IL10RB: variants seen among roughly 807,000 people sequenced by gnomAD.
The protein encoded by IL10RB is interleukin 10 receptor subunit beta.
Under a neutral mutation model 38.7 loss-of-function variants are expected in IL10RB, and 30 were observed. That is an observed-to-expected ratio of 0.78 (90% CI 0.58 to 1.05). The LOEUF (loss-of-function observed/expected upper bound fraction) is 1.05, where lower values mean the gene tolerates loss of function less well. IL10RB is among the 50% of genes least tolerant of loss of function. IL10RB has a pLI of 0.00. For missense variants in IL10RB, 328 were observed against 397.1 expected (o/e 0.83, Z 1.48); for synonymous variants, 142 against 145.9 (o/e 0.97, Z 0.19).
At chr21:33,278,839 G>A (rs1041196652) in intron 3 of IL10RB, among the ~76,000 whole-genome samples, 2 of 152,176 alleles carry the variant, frequency 1.3e-5, no homozygotes, top group African/African-American at 4.8e-5. Flanking sequence ...TTAGAATGAT[G>A]GAAGCAGGTC....
At chr21:33,277,595 A>C (rs1989195796) in intron 3 of IL10RB, among the ~76,000 whole-genome samples, 1 of 150,948 alleles carries the variant, frequency 6.6e-6, no homozygotes, top group Non-Finnish European at 1.5e-5. Flanking sequence ...CACGTCTATG[A>C]TCCCAACACT....
At chr21:33,291,154 A>G (rs751977888) in intron 6 of IL10RB, among the ~76,000 whole-genome samples, 97 of 152,262 alleles carry the variant, frequency 6.4e-4, no homozygotes, top group Non-Finnish European at 1.3e-3. Context: ...CAGTCACGGG[A>G]GGAGGGCTCA....
chr21:33,270,258 G>C (rs1372578187), intron 2 of IL10RB, among the ~76,000 whole-genome samples: 1 of 152,110 alleles, frequency 6.6e-6, no homozygotes, highest in African/African-American at 2.4e-5. Context: ...TTTCTGTGCT[G>C]TCTCTACTCA....
In IL10RB at chr21:33,296,449, A is replaced by C. The variant is rs1370782266; in HGVS notation, c.*92A>C. On this transcript the variant is annotated 3_prime_UTR_variant, in exon 7 of 7. Coordinates refer to ENST00000290200, the MANE Select transcript of IL10RB (RefSeq NM_000628.5). ...GGGATCAGGGCAGCAAACAAGGGCC[A>C]AGACCATCTGAGCCAGCCCCACATC... The C allele has an allele frequency of 2.4e-6, 3 of 1,234,408 alleles. No homozygotes were observed. Among genetic ancestry groups the C allele is most frequent in the East Asian group, 2.4e-5 (1 of 40,888 alleles). The allele number at this position is 1,234,408 out of a possible 1,614,324, so 76.5% of individuals were successfully genotyped here. A position where few individuals can be genotyped will look rare whatever the true frequency, so the allele number is the denominator to read the frequency against.
chr21:33,271,740 A>G (rs1379806261), intron 2 of IL10RB, among the ~76,000 whole-genome samples: 1 of 152,048 alleles, frequency 6.6e-6, no homozygotes, highest in Admixed American at 6.6e-5. Flanking sequence ...AAAAAAAAAA[A>G]ACCTAGTGAA....
chr21:33,303,170 C>CCT (rs1382367264), intron 1 of IL10RB, among the ~76,000 whole-genome samples: 1 of 152,086 alleles, frequency 6.6e-6, no homozygotes, highest in Non-Finnish European at 1.5e-5. Flanking sequence ...CTGGCCCTGT[C>CCT]CTCTCTCCCT....
At chr21:33,288,636 A>G (rs1819630779) in intron 6 of IL10RB, among the ~76,000 whole-genome samples, 1 of 152,198 alleles carries the variant, frequency 6.6e-6, no homozygotes, top group Non-Finnish European at 1.5e-5. Context: ...ACTGGAGGCT[A>G]AATGCCAGGA....
At position 33,266,400 on chromosome 21, in the gene IL10RB, A is replaced by C; in HGVS notation, c.-66A>C. 1 of 1,512,594 alleles carries C rather than the reference A, an allele frequency of 6.6e-7. No individual in the cohort carries two copies. The highest frequency in any genetic ancestry group is 2.5e-5 in the East Asian group (1 of 39,626). The allele number at this position is 1,512,594 out of a possible 1,614,324, so 93.7% of individuals were successfully genotyped here. A position where few individuals can be genotyped will look rare whatever the true frequency, so the allele number is the denominator to read the frequency against. On this transcript the variant is annotated 5_prime_UTR_variant, in exon 1 of 7. Coordinates refer to ENST00000290200, the MANE Select transcript of IL10RB (RefSeq NM_000628.5). The stretch of plus-strand genomic sequence containing the variant: ...TGGTTCCCGGAAGCCGCCGCGGACA[A>C]GCTCTCCCGGGCGCGGGCGGGGGTC...
At chr21:33,292,383 G>A (rs974673334) in intron 6 of IL10RB, among the ~76,000 whole-genome samples, 8 of 152,150 alleles carry the variant, frequency 5.3e-5, no homozygotes, top group African/African-American at 9.7e-5. Context: ...AAACCAGGCC[G>A]GCCTTTCCTC....
intron 3 of IL10RB, 88 bp from the exon 4 acceptor site, chr21:33,279,664 C>T: frequency 9.0e-7 from 1 of 1,113,528 alleles, no homozygotes; most frequent in Non-Finnish European, 1.4e-6. Flanking sequence ...CTTCCGTGGA[C>T]TAATTGTTCT....
At chr21:33,268,658 C>T (rs956435729) in intron 2 of IL10RB, 141 bp downstream of exon 2, 1 of 724,006 alleles carries the variant, frequency 1.4e-6, no homozygotes, top group Non-Finnish European at 2.5e-6. Flanking sequence ...TCCCTGCCAG[C>T]CTTTTGCTGT....
At chr21:33,270,383 TC>T (rs1480609107) in intron 2 of IL10RB, among the ~76,000 whole-genome samples, 2 of 151,816 alleles carry the variant, frequency 1.3e-5, no homozygotes, top group Non-Finnish European at 2.9e-5. Flanking sequence ...TGTTTGTTTT[TC>T]TTTTTTTTTT....
downstream of IL10RB, among the ~76,000 whole-genome samples, chr21:33,300,462 A>G (rs2082983098): frequency 6.6e-6 from 1 of 151,858 alleles, no homozygotes; most frequent in Non-Finnish European, 1.5e-5. Context: ...AAAAAGGTAA[A>G]CAAAAGCCTT....
chr21:33,273,524 T>G (rs150778178), intron 2 of IL10RB, among the ~76,000 whole-genome samples: 2 of 152,324 alleles, frequency 1.3e-5, no homozygotes, highest in Non-Finnish European at 2.9e-5. Context: ...GGCTGCTGAC[T>G]GATCAGGGTA....
Position 33,296,629 on chromosome 21 carries a change from T to A in IL10RB, c.*272T>A. ...AGAGTGTAATTTTCAGCCTTTTATA[T>A]CACTAAAATAAGATCATGTTTTAAT... On this transcript the variant is annotated 3_prime_UTR_variant, in exon 7 of 7. Coordinates refer to ENST00000290200, the MANE Select transcript of IL10RB (RefSeq NM_000628.5). The A allele has an allele frequency of 1.7e-6, 1 of 586,824 alleles. No individual in the cohort carries two copies. Among genetic ancestry groups the A allele is most frequent in the Non-Finnish European group, 3.2e-6 (1 of 312,830 alleles). The allele number at this position is 586,824 out of a possible 1,614,324, so 36.4% of individuals were successfully genotyped here. A position where few individuals can be genotyped will look rare whatever the true frequency, so the allele number is the denominator to read the frequency against.
At chr21:33,306,949 C>A (rs1300544797) in intron 1 of IL10RB, among the ~76,000 whole-genome samples, 2 of 151,982 alleles carry the variant, frequency 1.3e-5, no homozygotes, top group Non-Finnish European at 2.9e-5. Flanking sequence ...CGCCTGGTAA[C>A]CTTCCACTTC....
chr21:33,288,146 C>A lies in IL10RB; in HGVS notation c.689C>A (p.Ser230Ter), dbSNP rs920292604. The A allele has an allele frequency of 9.3e-6, 15 of 1,614,002 alleles. No individual in the cohort carries two copies. Among genetic ancestry groups the A allele is most frequent in the Non-Finnish European group, 1.3e-5 (15 of 1,180,022 alleles). Residue 230 changes from serine (S) to a stop codon, truncating the protein, a stop_gained, in exon 6 of 7, where the codon TCG becomes TAG. Coordinates refer to ENST00000290200, the MANE Select transcript of IL10RB (RefSeq NM_000628.5). LOFTEE classifies it high-confidence loss of function. ...SWMVAVILMA[S>*]VFMVCLALLG... ...ATGGTGGCCGTCATCCTCATGGCCT[C>A]GGTCTTCATGGTCTGCCTGGCACTC...
chr21:33,286,245 A>G (rs1989372661), intron 5 of IL10RB, among the ~76,000 whole-genome samples: 1 of 152,212 alleles, frequency 6.6e-6, no homozygotes, highest in Non-Finnish European at 1.5e-5. Context: ...CACTTGCTGT[A>G]GCTCCAGGGT....
chr21:33,270,673 CT>C (rs796928133), intron 2 of IL10RB, among the ~76,000 whole-genome samples: 232 of 138,566 alleles, frequency 1.7e-3, no homozygotes, highest in Admixed American at 1.8e-3. Context: ...CGCGCCCAGC[CT>C]TTTTTTTTTT....
Sources: allele counts gnomAD v4.1 joint callset (sites outside exome capture counted in the v4.1 genomes callset), GRCh38; gene constraint gnomAD v4.1.1; transcripts MANE v1.5; gene names NCBI Gene and HGNC (gene_info 2026-07-23, HGNC 2026-07-21).